The following NRXN1 variants were observed in gnomAD, a reference collection of about 807,000 sequenced individuals.
The protein encoded by NRXN1 is neurexin-1.
In NRXN1, 39 loss-of-function variants were observed where a neutral mutation model predicts 150.9. That is an observed-to-expected ratio of 0.26 (90% CI 0.20 to 0.34). The LOEUF (loss-of-function observed/expected upper bound fraction) is 0.34. NRXN1 is among the 10% of genes least tolerant of loss of function. The pLI is 1.00. For synonymous variants in NRXN1, 924 were observed against 757.0 expected, an observed-to-expected ratio of 1.22 and a Z score of -3.62; for missense variants, 1,815 against 1,949.9, an observed-to-expected ratio of 0.93 and a Z score of 1.30.
intron 9 of NRXN1, among the ~76,000 whole-genome samples, chr2:50,542,229 C>T (rs1388770754): frequency 1.3e-5 from 2 of 151,804 alleles, no homozygotes; most frequent in Non-Finnish European, 2.9e-5. Context: ...TGCGGTGAGC[C>T]GAGATCACGC....
intron 5 of NRXN1, among the ~76,000 whole-genome samples, chr2:50,734,399 G>A (rs1367365312): frequency 3.3e-5 from 5 of 152,166 alleles, no homozygotes; most frequent in East Asian, 1.9e-4. Context: ...AACAAGGGCA[G>A]GTCATCATTT....
At chr2:50,246,866 T>C (rs907512459) in intron 17 of NRXN1, among the ~76,000 whole-genome samples, 4 of 152,102 alleles carry the variant, frequency 2.6e-5, no homozygotes, top group African/African-American at 9.7e-5. Context: ...GAAATATCCA[T>C]TTTAAAAAGT....
intron 21 of NRXN1, among the ~76,000 whole-genome samples, chr2:49,998,311 A>G (rs1046146666): frequency 5.9e-5 from 9 of 152,198 alleles, no homozygotes; most frequent in African/African-American, 2.2e-4. Context: ...GAAGTAGTAC[A>G]ATGAGAAGGA....
chr2:50,500,090 T>C (rs1348561926), intron 13 of NRXN1, among the ~76,000 whole-genome samples: 11 of 152,132 alleles, frequency 7.2e-5, no homozygotes, highest in Admixed American at 5.9e-4. Context: ...AAAGTCTCTA[T>C]TGATGAAACA....
chr2:50,836,078 A>G (rs939827564), intron 5 of NRXN1, among the ~76,000 whole-genome samples: 17 of 152,196 alleles, frequency 1.1e-4, no homozygotes, highest in African/African-American at 3.9e-4. Flanking sequence ...AATCTGAAAA[A>G]GAATTTCTAA....
chr2:50,489,262 C>A (rs776695192), intron 15 of NRXN1, among the ~76,000 whole-genome samples: 249 of 152,118 alleles, frequency 1.6e-3, no homozygotes, highest in Admixed American at 4.9e-3. Context: ...GAAACCAGCC[C>A]CAGGGCTTTA....
chr2:50,199,777 C>G (rs1054777254), intron 18 of NRXN1, among the ~76,000 whole-genome samples: 1 of 152,078 alleles, frequency 6.6e-6, no homozygotes, highest in Admixed American at 6.6e-5. Flanking sequence ...CTGAATGATA[C>G]AAAATGGTCC....
rs1469060987 is a variant in NRXN1, at chr2:50,347,178, GA to G, written c.3365-110209del. ...AACATAGCCGAGGCGAATGCAGCTG[GA>G]GAGGGGCTTGTCCGGAAAGGCAGCC... On this transcript the variant is annotated intron_variant, in intron 17 of 22. Coordinates refer to ENST00000401669, the MANE Select transcript of NRXN1 (RefSeq NM_001330078.2). This position sits in a 1 kb window ranked among gnomAD's most constrained non-coding sequence, Gnocchi z 4.9. The G allele has an allele frequency of 1.5e-6, 2 of 1,360,856 alleles. No individual in the cohort carries two copies. The highest frequency in any genetic ancestry group is 9.6e-7 in the Non-Finnish European group (1 of 1,036,604). 84.3% of individuals were successfully genotyped at this position (1,360,856 alleles called of 1,614,324 possible).
intron 5 of NRXN1, among the ~76,000 whole-genome samples, chr2:50,770,524 G>A (rs1304969772): frequency 6.6e-6 from 1 of 151,904 alleles, no homozygotes; most frequent in Non-Finnish European, 1.5e-5. Context: ...TCTTAATATG[G>A]ACTTTGCCAT....
intron 17 of NRXN1, among the ~76,000 whole-genome samples, chr2:50,289,427 ATAT>A (rs2072622212): frequency 6.6e-6 from 1 of 152,076 alleles, no homozygotes; most frequent in Non-Finnish European, 1.5e-5. Context: ...CCCCCATCTA[ATAT>A]TATTCTCCAC....
At chr2:50,162,652 C>G (rs2059431247) in intron 18 of NRXN1, among the ~76,000 whole-genome samples, 1 of 152,050 alleles carries the variant, frequency 6.6e-6, no homozygotes, top group Admixed American at 6.6e-5. Flanking sequence ...TACACACACA[C>G]ACAATGGAAT....
At chr2:49,980,962 A>G (rs1679892609) in intron 21 of NRXN1, among the ~76,000 whole-genome samples, 1 of 151,950 alleles carries the variant, frequency 6.6e-6, no homozygotes, top group South Asian at 2.1e-4. Context: ...TGAAATGATG[A>G]CTCATGAAAA....
intron 5 of NRXN1, among the ~76,000 whole-genome samples, chr2:50,681,418 G>T (rs931095212): frequency 6.6e-6 from 1 of 152,102 alleles, no homozygotes; most frequent in African/African-American, 2.4e-5. Context: ...TCTATTTTGG[G>T]AGTCAGACCA....
At chr2:50,236,139 T>G (rs1018714074) in intron 18 of NRXN1, among the ~76,000 whole-genome samples, 11 of 152,058 alleles carry the variant, frequency 7.2e-5, no homozygotes, top group Non-Finnish European at 1.5e-4. Context: ...TATTCTTTGC[T>G]ATCTATTATA....
intron 4 of NRXN1, among the ~76,000 whole-genome samples, chr2:50,922,101 C>A (rs1197546649): frequency 6.6e-6 from 1 of 151,834 alleles, no homozygotes; most frequent in East Asian, 1.9e-4. Context: ...ATGCAAAAAA[C>A]TGAAAGGCCC....
chr2:50,695,195 G>A lies in NRXN1; in HGVS notation c.833-71580C>T, dbSNP rs550852443. Among the ~76,000 whole-genome samples, 3 of 151,924 alleles carry A rather than the reference G, an allele frequency of 2.0e-5. No homozygotes were observed. The South Asian group carries it at 6.3e-4, about 32-fold the overall frequency. Reference sequence around the variant, plus strand: ...ATTTCAACCTGGGTAAGGGGGTGGCGGTGGGGGGAAGGCATCTTATCTTTG... The same window carrying A: ...ATTTCAACCTGGGTAAGGGGGTGGCAGTGGGGGGAAGGCATCTTATCTTTG... On this transcript the variant is annotated intron_variant, in intron 5 of 22. Transcript: ENST00000401669.
At chr2:49,936,816 G>GCACACACACA (rs202032583) in intron 22 of NRXN1, among the ~76,000 whole-genome samples, 1,768 of 149,968 alleles carry the variant, frequency 0.012, 34 homozygotes, top group African/African-American at 0.041. Context: ...AAAAACATAT[G>GCACACACACA]TACACACACA....
intron 2 of NRXN1, among the ~76,000 whole-genome samples, chr2:50,993,544 G>T (rs1017921775): frequency 2.6e-5 from 4 of 151,764 alleles, no homozygotes; most frequent in Non-Finnish European, 4.4e-5. Context: ...TCTCCAACTT[G>T]CTATGATTCT....
chr2:50,028,369 C>A (rs1029441888), intron 21 of NRXN1, among the ~76,000 whole-genome samples: 1 of 152,152 alleles, frequency 6.6e-6, no homozygotes, highest in African/African-American at 2.4e-5. Flanking sequence ...ACAAAAGACC[C>A]AGATTCTAAA....
Sources: gnomAD v4.1 joint callset for allele counts (sites outside exome capture counted in the v4.1 genomes callset) on GRCh38, gnomAD v4.1.1 for gene constraint, Gnocchi (gnomAD v3.1) non-coding constraint, MANE v1.5 for transcripts, NCBI Gene and HGNC (gene_info 2026-07-23, HGNC 2026-07-21) for gene names.